PRKN: variants seen among roughly 807,000 people sequenced by gnomAD.
PRKN encodes E3 ubiquitin-protein ligase parkin.
PRKN carries 56 observed loss-of-function variants against 59.5 expected under a neutral mutation model. The observed-to-expected ratio is 0.94, with a 90% CI of 0.76 to 1.18. The LOEUF (loss-of-function observed/expected upper bound fraction) is 1.18. PRKN is among the 50% of genes most tolerant of loss of function. PRKN has a pLI of 0.00. For missense variants in PRKN, 657 were observed against 596.4 expected (o/e 1.10, Z -1.06); for synonymous variants, 250 against 222.1 (o/e 1.13, Z -1.12).
At chr6:162,353,603 C>T (rs1784716223) in intron 2 of PRKN, among the ~76,000 whole-genome samples, 2 of 152,002 alleles carry the variant, frequency 1.3e-5, no homozygotes, top group South Asian at 4.1e-4. Flanking sequence ...AATACACAAT[C>T]TGCAAAAATT....
intron 1 of PRKN, among the ~76,000 whole-genome samples, chr6:162,607,258 T>A (rs9456801): frequency 0.23 from 35,409 of 151,952 alleles, 4,903 homozygotes; most frequent in African/African-American, 0.38. Context: ...GACCATCTAG[T>A]GAGCTTCCAA....
rs546366780 is a variant in PRKN at position 161,781,983 on chromosome 6, G to A, written c.871+3789C>T. Among the ~76,000 whole-genome samples the A allele has an allele frequency of 5.3e-5, 8 of 152,294 alleles. No homozygotes were observed. In the South Asian group the frequency reaches 1.0e-3, roughly 20 times the overall value. ...GCAATTGCTGATGGGCATGGAAAGC[G>A]CACCACTACTGGGAGAGAAATTTGG... On this transcript the variant is annotated intron_variant, in intron 7 of 11. Transcript: ENST00000366898.
At chr6:161,962,210 A>T (rs1014893059) in intron 6 of PRKN, among the ~76,000 whole-genome samples, 2 of 152,232 alleles carry the variant, frequency 1.3e-5, no homozygotes, top group East Asian at 3.8e-4. Context: ...AAGGATGTTT[A>T]TAGAGGGCAA....
intron 4 of PRKN, among the ~76,000 whole-genome samples, chr6:162,086,658 A>G (rs1893551): frequency 0.77 from 116,702 of 152,140 alleles, 45,220 homozygotes; most frequent in African/African-American, 0.88. Flanking sequence ...AACATTAGAG[A>G]AAAATGTGGT....
intron 6 of PRKN, among the ~76,000 whole-genome samples, chr6:161,897,937 A>G (rs969550765): frequency 4.6e-5 from 5 of 107,696 alleles, no homozygotes; most frequent in Non-Finnish European, 7.0e-5. Context: ...ACTGCACTCC[A>G]GCCTGGGTGA....
chr6:162,552,583 A>T (rs1166785853), intron 1 of PRKN, among the ~76,000 whole-genome samples: 2 of 152,186 alleles, frequency 1.3e-5, no homozygotes, highest in African/African-American at 4.8e-5. Context: ...TTTCCATGAA[A>T]AAAAGCAAGA....
At chr6:162,640,749 G>A (rs1277733520) in intron 1 of PRKN, among the ~76,000 whole-genome samples, 1 of 152,190 alleles carries the variant, frequency 6.6e-6, no homozygotes, top group Non-Finnish European at 1.5e-5. Flanking sequence ...ATACCTGTTT[G>A]TAAGGCTGTG....
chr6:162,716,786 G>GCGCACACA (rs1554264971), intron 1 of PRKN, among the ~76,000 whole-genome samples: 1 of 148,730 alleles, frequency 6.7e-6, no homozygotes, highest in Non-Finnish European at 1.5e-5. Flanking sequence ...ACACACACGC[G>GCGCACACA]CACACACACA....
chr6:162,190,636 T>TCATA (rs1474500512), intron 4 of PRKN, among the ~76,000 whole-genome samples: 2 of 152,192 alleles, frequency 1.3e-5, no homozygotes, highest in African/African-American at 4.8e-5. Context: ...ACGCATACAT[T>TCATA]CATAATGCAA....
chr6:162,280,968 G>A (rs1780873537), intron 2 of PRKN, among the ~76,000 whole-genome samples: 1 of 152,042 alleles, frequency 6.6e-6, no homozygotes, highest in Non-Finnish European at 1.5e-5. Flanking sequence ...ATGAGATCAT[G>A]TCCTTTGCAG....
At chr6:162,380,185 G>A (rs540926525) in intron 2 of PRKN, among the ~76,000 whole-genome samples, 1 of 152,014 alleles carries the variant, frequency 6.6e-6, no homozygotes, top group Admixed American at 6.6e-5. Flanking sequence ...AGTAAATAGT[G>A]AATTAAATGC....
intron 4 of PRKN, among the ~76,000 whole-genome samples, chr6:162,170,111 C>T (rs1562556172): frequency 6.6e-6 from 1 of 152,158 alleles, no homozygotes; most frequent in Non-Finnish European, 1.5e-5. Flanking sequence ...AACAGCTGTT[C>T]CCATGAATCT....
chr6:161,398,087 C>A (rs1177207925), intron 9 of PRKN, among the ~76,000 whole-genome samples: 1 of 152,074 alleles, frequency 6.6e-6, no homozygotes, highest in African/African-American at 2.4e-5. Flanking sequence ...TTATGGCTTT[C>A]AATGGAGGAG....
chr6:162,620,319 G>A (rs1030719094), intron 1 of PRKN, among the ~76,000 whole-genome samples: 8 of 151,928 alleles, frequency 5.3e-5, no homozygotes, highest in Admixed American at 1.3e-4. Flanking sequence ...CACTTTTTCC[G>A]TGTTCTGCCA....
chr6:162,649,750 C>A (rs1159099934), intron 1 of PRKN, among the ~76,000 whole-genome samples: 1 of 152,010 alleles, frequency 6.6e-6, no homozygotes, highest in Admixed American at 6.5e-5. Context: ...ATATGTACAG[C>A]ATATACAGAA....
intron 1 of PRKN, among the ~76,000 whole-genome samples, chr6:162,515,708 C>A (rs1777822185): frequency 2.0e-5 from 3 of 152,054 alleles, no homozygotes; most frequent in South Asian, 4.1e-4. Context: ...AATCAGCTTT[C>A]TCTTCCTATC....
intron 9 of PRKN, among the ~76,000 whole-genome samples, chr6:161,435,556 G>A (rs1788841983): frequency 6.6e-6 from 1 of 151,982 alleles, no homozygotes; most frequent in Admixed American, 6.5e-5. Flanking sequence ...TAATGTAGGT[G>A]TCATTGCTAT....
At chr6:161,424,260 C>G in intron 9 of PRKN, among the ~76,000 whole-genome samples, 1 of 150,750 alleles carries the variant, frequency 6.6e-6, no homozygotes. Flanking sequence ...TCACTTGAAC[C>G]CAGGAGACAG....
intron 4 of PRKN, among the ~76,000 whole-genome samples, chr6:162,074,562 T>C (rs975774161): frequency 2.0e-5 from 3 of 151,750 alleles, no homozygotes; most frequent in Admixed American, 6.6e-5. Flanking sequence ...CACACCAGCA[T>C]GGCACATGTA....
Sources: gnomAD v4.1 joint callset for allele counts (sites outside exome capture counted in the v4.1 genomes callset) on GRCh38, gnomAD v4.1.1 for gene constraint, MANE v1.5 for transcripts, NCBI Gene and HGNC (gene_info 2026-07-23, HGNC 2026-07-21) for gene names.